Variants in GPR84 observed in about 807,000 individuals in gnomAD.
The protein encoded by GPR84 is G protein-coupled receptor 84, also known as G-protein coupled receptor 84.
Under a neutral mutation model 14.9 loss-of-function variants are expected in GPR84, and 8 were observed. That is an observed-to-expected ratio of 0.54 (90% CI 0.31 to 0.97). The LOEUF is 0.97. Ranked by LOEUF, GPR84 falls within the 50% of genes least tolerant of loss-of-function variation. GPR84 has a pLI of 0.04. For missense variants in GPR84, 424 were observed against 498.7 expected, an observed-to-expected ratio of 0.85 and a Z score of 1.43; for synonymous variants, 164 against 198.1, an observed-to-expected ratio of 0.83 and a Z score of 1.45.
chr12:54,350,715 A>G, the GPR84 span: 1 of 604,130 alleles, frequency 1.7e-6, no homozygotes, highest in Non-Finnish European at 3.0e-6. Flanking sequence ...TTCTTCTTGC[A>G]GTTCTGGGAG....
In GPR84 at chr12:54,362,588, C is replaced by T; in HGVS notation, c.*73G>A. On this transcript the variant is annotated 3_prime_UTR_variant, in exon 2 of 2. Transcript: ENST00000267015. This position sits in a 1 kb window ranked among gnomAD's most constrained non-coding sequence, Gnocchi z 4.0. The stretch of plus-strand genomic sequence containing the variant: ...AAAATGCCCACATGTGTTATTTCAC[C>T]TATTCTCCTATTACCTGGCCACTTT... 1 of 888,050 alleles carries T rather than the reference C, an allele frequency of 1.1e-6. No individual in the cohort carries two copies. Among genetic ancestry groups the T allele is most frequent in the Admixed American group, 2.3e-5 (1 of 43,630 alleles). The allele number at this position is 888,050 out of a possible 1,614,324, so 55.0% of individuals were successfully genotyped here. A position where few individuals can be genotyped will look rare whatever the true frequency, so the allele number is the denominator to read the frequency against.
the GPR84 span, among the ~76,000 whole-genome samples, chr12:54,356,705 G>A: frequency 7.9e-5 from 12 of 152,198 alleles, no homozygotes; most frequent in Non-Finnish European, 1.2e-4. Flanking sequence ...AGAAACTGAG[G>A]GATCTGGGAG....
chr12:54,354,324 C>T, the GPR84 span, among the ~76,000 whole-genome samples: 3 of 152,024 alleles, frequency 2.0e-5, no homozygotes, highest in African/African-American at 7.3e-5. Flanking sequence ...GCCATATTGC[C>T]CAGGCTGGTC....
chr12:54,351,130 G>T, the GPR84 span: 1 of 156,650 alleles, frequency 6.4e-6, no homozygotes, highest in Non-Finnish European at 1.4e-5. Context: ...AAGAAACAGC[G>T]ATTTAAATTG....
Position 54,363,794 on chromosome 12 carries a change from G to A in GPR84, c.58C>T (p.Arg20Cys), listed in dbSNP as rs761618259. 5.6e-6 allele frequency: 9 copies of A among 1,612,518 alleles called. No individual in the cohort carries two copies. The East Asian group carries it at 1.6e-4, about 28-fold the overall frequency. ...SCYHESVLGY[R>C]YVAVSWGVVV... ...ACCCCCCAGCTAACTGCAACATAAC[G>A]ATAGCCCAGCACAGACTCATGGTAG... The change falls in exon 2 of 2, where the codon CGT becomes TGT. Residue 20 changes from arginine to cysteine, a missense_variant. By Grantham distance (180) the Arg-to-Cys change is radical (BLOSUM62 -3). Transcript: ENST00000267015.
At chr12:54,361,429 G>C (rs1025007403), downstream of GPR84, among the ~76,000 whole-genome samples, 3 of 152,070 alleles carry the variant, frequency 2.0e-5, no homozygotes, top group Non-Finnish European at 4.4e-5. This position sits in a 1 kb window ranked among gnomAD's most constrained non-coding sequence, Gnocchi z 4.3. Context: ...GGAGTGCAAT[G>C]GCGTGATCTC....
the GPR84 span, among the ~76,000 whole-genome samples, chr12:54,355,295 G>A: frequency 6.6e-6 from 1 of 151,420 alleles, no homozygotes; most frequent in Admixed American, 6.6e-5. Flanking sequence ...GGCTCTCCGG[G>A]GCTCCCTCAT....
At chr12:54,358,199 T>TG (rs1395417347), downstream of GPR84, among the ~76,000 whole-genome samples, 1 of 152,022 alleles carries the variant, frequency 6.6e-6, no homozygotes, top group Non-Finnish European at 1.5e-5. Flanking sequence ...TAAATTTAAC[T>TG]GGGGAGGTGG....
downstream of GPR84, among the ~76,000 whole-genome samples, chr12:54,361,806 C>G (rs1278787949): frequency 6.6e-6 from 1 of 152,260 alleles, no homozygotes; most frequent in Non-Finnish European, 1.5e-5. The surrounding 1 kb of genome is among the most constrained non-coding windows in gnomAD (Gnocchi z 4.3). Flanking sequence ...CCCCACCAGG[C>G]CTGTTCTCTT....
At chr12:54,363,968 A>G in intron 1 of GPR84, 109 bp from the exon 2 acceptor site, 3 of 675,870 alleles carry the variant, frequency 4.4e-6, no homozygotes, top group Non-Finnish European at 7.3e-6. Flanking sequence ...CCTGGACCTC[A>G]CCTTAATTCA....
At chr12:54,353,464 C>T in the GPR84 span, among the ~76,000 whole-genome samples, 1 of 127,750 alleles carries the variant, frequency 7.8e-6, no homozygotes, top group Admixed American at 8.8e-5. Context: ...TCTATTCTTT[C>T]CCTACCCCAC....
chr12:54,358,402 C>G (rs924573849), downstream of GPR84, among the ~76,000 whole-genome samples: 4 of 152,174 alleles, frequency 2.6e-5, no homozygotes, highest in Non-Finnish European at 5.9e-5. Flanking sequence ...CCTTTCCTCC[C>G]TCCCCTAAAA....
the GPR84 span, chr12:54,353,799 G>GGGGA: frequency 6.6e-5 from 10 of 152,442 alleles, no homozygotes; most frequent in Admixed American, 5.2e-4. Context: ...CTCACTGGGG[G>GGGGA]AGGAAGAGAG....
At chr12:54,360,964 C>G (rs1170372633), downstream of GPR84, among the ~76,000 whole-genome samples, 1 of 152,222 alleles carries the variant, frequency 6.6e-6, no homozygotes, top group Non-Finnish European at 1.5e-5. Flanking sequence ...TCAGGGGTCT[C>G]TGGATTCCCA....
downstream of GPR84, among the ~76,000 whole-genome samples, chr12:54,359,411 C>A (rs940688428): frequency 1.9e-5 from 2 of 105,466 alleles, no homozygotes; most frequent in African/African-American, 7.6e-5. Context: ...CCCGGGCGGG[C>A]GACTGGGGAG....
the GPR84 span, among the ~76,000 whole-genome samples, chr12:54,356,650 A>T: frequency 2.6e-4 from 39 of 152,104 alleles, no homozygotes; most frequent in Admixed American, 2.6e-3. Flanking sequence ...GTCCTGGAAG[A>T]CGGCTGCTAG....
chr12:54,351,093 A>C, the GPR84 span: 86 of 160,408 alleles, frequency 5.4e-4, no homozygotes, highest in African/African-American at 1.9e-3. Flanking sequence ...GGCTTTGGGA[A>C]TAGTTCATAG....
At chr12:54,355,276 G>C in the GPR84 span, among the ~76,000 whole-genome samples, 1 of 152,044 alleles carries the variant, frequency 6.6e-6, no homozygotes, top group African/African-American at 2.4e-5. Flanking sequence ...GCCAGGCAAA[G>C]GGCAGCCTGG....
rs1418124008 is a variant in GPR84, at chr12:54,363,204, C to T, written c.648G>A (p.Lys216=). The part of the protein sequence containing the change: ...KRAAQALDQY[K]LRQASIHSNH... Reference sequence around the variant, plus strand: ...TGGAGTGGATGCTTGCCTGTCGCAACTTGTATTGGTCCAGTGCCTGTGCTG... The same window carrying T: ...TGGAGTGGATGCTTGCCTGTCGCAATTTGTATTGGTCCAGTGCCTGTGCTG... The change falls in exon 2 of 2, where the codon AAG becomes AAA. Residue 216 remains lysine, a synonymous_variant. Coordinates refer to ENST00000267015, the MANE Select transcript of GPR84 (RefSeq NM_020370.3). The T allele has an allele frequency of 1.7e-5, 28 of 1,614,076 alleles. No individual in the cohort carries two copies. The highest frequency in any genetic ancestry group is 2.3e-5 in the Non-Finnish European group (27 of 1,180,044).
Sources: gnomAD v4.1 joint callset for allele counts (sites outside exome capture counted in the v4.1 genomes callset) on GRCh38, gnomAD v4.1.1 for gene constraint, Gnocchi (gnomAD v3.1) non-coding constraint, MANE v1.5 for transcripts, NCBI Gene and HGNC (gene_info 2026-07-23, HGNC 2026-07-21) for gene names.